SLC24A4: variants seen among roughly 807,000 people sequenced by gnomAD.
The protein encoded by SLC24A4 is sodium/potassium/calcium exchanger 4.
Under a neutral mutation model 79.0 loss-of-function variants are expected in SLC24A4, and 53 were observed. The observed-to-expected ratio is 0.67, with a 90% CI of 0.54 to 0.84. The LOEUF is 0.84. SLC24A4 is among the 40% of genes least tolerant of loss of function. The pLI is 0.00. For missense variants in SLC24A4, 731 were observed against 822.0 expected, an observed-to-expected ratio of 0.89 and a Z score of 1.35; for synonymous variants, 323 against 323.8, an observed-to-expected ratio of 1.00 and a Z score of 0.03.
intron 12 of SLC24A4, among the ~76,000 whole-genome samples, chr14:92,465,388 T>C (rs1894046508): frequency 6.6e-6 from 1 of 152,180 alleles, no homozygotes; most frequent in African/African-American, 2.4e-5. Context: ...GGGCCTTAAC[T>C]TCAGGTCATC....
chr14:92,474,863 A>ATATATATATATATATATATATATATATAT lies in SLC24A4; in HGVS notation c.1256-7816_1256-7815insATATATATATATATATATATATATATATT, dbSNP rs36185636. 3.5e-5 allele frequency among the ~76,000 whole-genome samples: 2 copies of ATATATATATATATATATATATATATATAT among 57,144 alleles called. 1 individual carries two copies. Among genetic ancestry groups the ATATATATATATATATATATATATATATAT allele is most frequent in the Non-Finnish European group, 6.9e-5 (2 of 29,128 alleles). 37.5% of individuals were successfully genotyped at this position (57,144 alleles called of 152,430 possible). On this transcript the variant is annotated intron_variant, in intron 12 of 16. Coordinates refer to ENST00000532405, the MANE Select transcript of SLC24A4 (RefSeq NM_153646.4). ...TGTGTGTATATATATATATATATAT[A>ATATATATATATATATATATATATATATAT]TTTTTTTTTTTTTTAGTAGACACAG...
intron 2 of SLC24A4, among the ~76,000 whole-genome samples, chr14:92,362,491 A>ACT (rs1184085800): frequency 6.6e-6 from 1 of 152,140 alleles, no homozygotes; most frequent in African/African-American, 2.4e-5. Context: ...TGTGGGTTGA[A>ACT]CTGAACCCTG....
rs554747483 is a variant in SLC24A4, at chr14:92,414,526, C to T, written c.242-19386C>T. On this transcript the variant is annotated intron_variant, in intron 2 of 16. Transcript: ENST00000532405. Reference sequence around the variant, plus strand: ...CAAAGTGGGAGGATCCGTTAAGTCCCGGAGTACGAGACCAGCCTGGGTGAC... The same window carrying T: ...CAAAGTGGGAGGATCCGTTAAGTCCTGGAGTACGAGACCAGCCTGGGTGAC... Among the ~76,000 whole-genome samples, 9 of 152,238 alleles carry T rather than the reference C, an allele frequency of 5.9e-5. No individual in the cohort carries two copies. The South Asian group carries it at 8.3e-4, about 14-fold the overall frequency.
At chr14:92,399,664 T>C (rs1174961544) in intron 2 of SLC24A4, among the ~76,000 whole-genome samples, 1 of 152,218 alleles carries the variant, frequency 6.6e-6, no homozygotes, top group Non-Finnish European at 1.5e-5. Context: ...GAACTTCAGC[T>C]GGTTTTGCGC....
rs141911532 is a variant in SLC24A4, at chr14:92,459,822, C to T, written c.1255+3214C>T. Among the ~76,000 whole-genome samples the T allele has an allele frequency of 1.5e-3, 230 of 152,246 alleles. 1 individual carries two copies. The Middle Eastern group carries it at 0.027, about 18-fold the overall frequency. Reference sequence around the variant, plus strand: ...AGGTTAACAGGAAATTGGAACAAGTCAGTGAGACTCCGCCCCCGACAGAAA... The same window carrying T: ...AGGTTAACAGGAAATTGGAACAAGTTAGTGAGACTCCGCCCCCGACAGAAA... On this transcript the variant is annotated intron_variant, in intron 12 of 16. Transcript: ENST00000532405.
Position 92,323,794 on chromosome 14 carries a change from C to A in SLC24A4, c.-37C>A. The A allele has an allele frequency of 6.5e-7, 1 of 1,537,718 alleles. No homozygotes were observed. The highest frequency in any genetic ancestry group is 2.4e-5 in the East Asian group (1 of 41,646). On this transcript the variant is annotated 5_prime_UTR_variant, in exon 1 of 17. Transcript: ENST00000532405. This position sits in a 1 kb window ranked among gnomAD's most constrained non-coding sequence, Gnocchi z 4.9. ...ATTGCACTCTGGCCGCTGAAGCTCC[C>A]CATCCTCTCCCAGAGACGGCACCCA... is the stretch of plus-strand genomic sequence containing the variant.
At chr14:92,343,793 C>G (rs1368741280) in intron 2 of SLC24A4, among the ~76,000 whole-genome samples, 4 of 151,776 alleles carry the variant, frequency 2.6e-5, no homozygotes, top group Non-Finnish European at 5.9e-5. Context: ...TCCTCCGCCT[C>G]CCAGGTTCAA....
chr14:92,487,445 C>CAGG (rs5810600), intron 14 of SLC24A4, among the ~76,000 whole-genome samples: 107,271 of 151,714 alleles, frequency 0.71, 38,026 homozygotes, highest in African/African-American at 0.72. Flanking sequence ...TCACAGGAGA[C>CAGG]AGAAGAGAAC....
In SLC24A4 at chr14:92,453,997, A is replaced by G. The variant is rs899690224; in HGVS notation, c.978A>G (p.Leu326=). The change falls in exon 11 of 17, where the codon TTA becomes TTG. Residue 326 remains leucine (L), a synonymous_variant. Coordinates refer to ENST00000532405, the MANE Select transcript of SLC24A4 (RefSeq NM_153646.4). ...AGTTCACCTTCCCTGAAGCAGGCTT[A>G]CGAATCATGATCACCAATAAGTTTG... is the stretch of plus-strand genomic sequence containing the variant. ...PPKFTFPEAG[L]RIMITNKFGP... 1.4e-5 allele frequency: 22 copies of G among 1,613,780 alleles called. No homozygotes were observed. Among genetic ancestry groups the G allele is most frequent in the Admixed American group, 1.7e-5 (1 of 59,970 alleles).
chr14:92,493,828 G>A lies in SLC24A4; in HGVS notation c.*200G>A, dbSNP rs12888354. The stretch of plus-strand genomic sequence containing the variant: ...GCATCCTCCTCCTCCTTGGAGTTCC[G>A]CCCCTGCAAGGCTGGATTTGGGGGC... On this transcript the variant is annotated 3_prime_UTR_variant, in exon 17 of 17. Transcript: ENST00000532405. The A allele has an allele frequency of 0.5, 315,402 of 630,140 alleles. 81,155 individuals carry two copies. The highest frequency in any genetic ancestry group is 0.55 in the Non-Finnish European group (203,956 of 372,748). 39.0% of individuals were successfully genotyped at this position (630,140 alleles called of 1,614,324 possible).
At chr14:92,478,525 C>G (rs886300458) in intron 12 of SLC24A4, among the ~76,000 whole-genome samples, 1 of 152,070 alleles carries the variant, frequency 6.6e-6, no homozygotes, top group Non-Finnish European at 1.5e-5. Flanking sequence ...TAAATAAACC[C>G]TTAAATATCT....
intron 3 of SLC24A4, 108 bp from the exon 4 acceptor site, chr14:92,439,227 C>G (rs1892355566): frequency 1.2e-6 from 1 of 860,358 alleles, no homozygotes; most frequent in South Asian, 1.4e-5. Flanking sequence ...GTGCCCCGCT[C>G]TGTCCGCCTG....
At chr14:92,484,061 G>T (rs1264379529) in intron 13 of SLC24A4, 3 of 985,216 alleles carry the variant, frequency 3.0e-6, no homozygotes, top group Non-Finnish European at 3.6e-6. Flanking sequence ...TCTATGAAGT[G>T]GGGGTGATCA....
intron 2 of SLC24A4, among the ~76,000 whole-genome samples, chr14:92,431,417 G>A (rs1891864013): frequency 1.3e-5 from 2 of 152,194 alleles, no homozygotes; most frequent in South Asian, 2.1e-4. Context: ...GACAGTGCAC[G>A]GAACAGCTGT....
At chr14:92,465,162 T>G (rs1461863800) in intron 12 of SLC24A4, among the ~76,000 whole-genome samples, 1 of 152,232 alleles carries the variant, frequency 6.6e-6, no homozygotes, top group Non-Finnish European at 1.5e-5. Flanking sequence ...AGGTGAGGCC[T>G]TCAGAGGCAG....
Position 92,458,556 on chromosome 14 carries a change from C to T in SLC24A4, c.1255+1948C>T, listed in dbSNP as rs1371434815. ...AGGGGTGGTCTCCAGATTCCAGGTC[C>T]CCTTCCCAGATTACCTGTTTGGATT... On this transcript the variant is annotated intron_variant, in intron 12 of 16. Transcript: ENST00000532405. Among the ~76,000 whole-genome samples the T allele has an allele frequency of 4.6e-5, 7 of 152,164 alleles. No homozygotes were observed. The South Asian group carries it at 6.2e-4, about 14-fold the overall frequency.
At chr14:92,383,411 C>G (rs1402904867) in intron 2 of SLC24A4, among the ~76,000 whole-genome samples, 1 of 152,080 alleles carries the variant, frequency 6.6e-6, no homozygotes, top group Non-Finnish European at 1.5e-5. Context: ...GTCACAGAGG[C>G]TTTGCATGTG....
chr14:92,338,425 G>A (rs1266339653), intron 2 of SLC24A4, among the ~76,000 whole-genome samples: 1 of 152,190 alleles, frequency 6.6e-6, no homozygotes, highest in Non-Finnish European at 1.5e-5. Flanking sequence ...TCAGTTATTT[G>A]GGGCTTTTCA....
At chr14:92,345,543 A>T (rs1366113195) in intron 2 of SLC24A4, among the ~76,000 whole-genome samples, 1 of 152,188 alleles carries the variant, frequency 6.6e-6, no homozygotes, top group African/African-American at 2.4e-5. Flanking sequence ...TCTACTAAAA[A>T]TACAAAAAAT....
Sources: gnomAD v4.1 joint callset for allele counts (sites outside exome capture counted in the v4.1 genomes callset) on GRCh38, gnomAD v4.1.1 for gene constraint, Gnocchi (gnomAD v3.1) non-coding constraint, MANE v1.5 for transcripts, NCBI Gene and HGNC (gene_info 2026-07-23, HGNC 2026-07-21) for gene names.